Variants in PANX3 observed in about 807,000 individuals in gnomAD.
PANX3 encodes the protein pannexin 3.
In PANX3, 18 loss-of-function variants were observed where a neutral mutation model predicts 31.5. The ratio of observed to expected loss-of-function variants is 0.57; its 90% CI spans 0.39 to 0.85. PANX3 has a LOEUF of 0.85. Ranked by LOEUF, PANX3 falls within the 40% of genes least tolerant of loss-of-function variation. The pLI is 0.00. For missense variants in PANX3, 426 were observed against 485.4 expected, an observed-to-expected ratio of 0.88 and a Z score of 1.15; for synonymous variants, 194 against 201.6, an observed-to-expected ratio of 0.96 and a Z score of 0.32.
chr11:124,615,225 G>T (rs897867945), intron 2 of PANX3, among the ~76,000 whole-genome samples: 2 of 152,050 alleles, frequency 1.3e-5, no homozygotes, highest in African/African-American at 4.8e-5. Flanking sequence ...TGAGACTACA[G>T]GCACCCGCCA....
chr11:124,612,765 G>A (rs1222327337), intron 1 of PANX3, among the ~76,000 whole-genome samples: 1 of 152,230 alleles, frequency 6.6e-6, no homozygotes, highest in Non-Finnish European at 1.5e-5. Flanking sequence ...CCAAAAGGCT[G>A]AGTCAGCACT....
In PANX3 at chr11:124,619,462, T is replaced by G; in HGVS notation, c.706T>G (p.Phe236Val). 1 of 1,614,214 alleles carries G rather than the reference T, an allele frequency of 6.2e-7. No individual in the cohort carries two copies. The highest frequency in any genetic ancestry group is 8.5e-7 in the Non-Finnish European group (1 of 1,180,038). ...TGGTCATTTCCATCTGGATGTCTTC[T>G]TCCAGGAAGAATTCAGCTGCTCCAT... The part of the protein sequence containing the change: ...YLGHFHLDVF[F>V]QEEFSCSIKT... The change falls in exon 4 of 4, where the codon TTC becomes GTC. Residue 236 changes from phenylalanine (F) to valine (V), a missense_variant. Coordinates refer to ENST00000284288, the MANE Select transcript of PANX3 (RefSeq NM_052959.3).
chr11:124,617,632 T>A (rs1001462648), intron 3 of PANX3, 144 bp downstream of exon 3: 2 of 780,674 alleles, frequency 2.6e-6, no homozygotes, highest in African/African-American at 3.4e-5. Context: ...AACTTTCTAT[T>A]GTTTCTGTAA....
Position 124,611,600 on chromosome 11 carries a change from C to G in PANX3, c.44C>G (p.Ala15Gly). The G allele has an allele frequency of 6.2e-7, 1 of 1,614,104 alleles. No homozygotes were observed. Among genetic ancestry groups the G allele is most frequent in the Non-Finnish European group, 8.5e-7 (1 of 1,179,962 alleles). Residue 15 changes from alanine (A) to glycine (G), a missense_variant, in exon 1 of 4, where the codon GCC (alanine) becomes GGC (glycine). Coordinates refer to ENST00000284288, the MANE Select transcript of PANX3 (RefSeq NM_052959.3). ...GCTGCAGAGTACATGCTCTCAGATG[C>G]CCTGCTGCCTGACCGCAGGGGACCC... is the stretch of plus-strand genomic sequence containing the variant. ...HTAAEYMLSD[A>G]LLPDRRGPRL...
chr11:124,618,181 G>A (rs945633174), intron 3 of PANX3, among the ~76,000 whole-genome samples: 1 of 152,178 alleles, frequency 6.6e-6, no homozygotes, highest in Admixed American at 6.5e-5. Context: ...GATGGAGAGT[G>A]GTGTAGCTTC....
At position 124,617,292 on chromosome 11, in the gene PANX3, C is replaced by T. The variant is rs761766737; in HGVS notation, c.343C>T (p.Leu115=). 1.9e-6 allele frequency: 3 copies of T among 1,606,960 alleles called. No individual in the cohort carries two copies. The highest frequency in any genetic ancestry group is 1.8e-4 in the Middle Eastern group (1 of 5,582). ...WPHKALPYSL[L]ALALLMYLPV... ...CCTGCAGGCCCTCCCCTACTCCCTG[C>T]TGGCCCTGGCCTTGCTCATGTACCT... The change falls in exon 3 of 4, where the codon CTG becomes TTG. Residue 115 remains leucine, a synonymous_variant. Coordinates refer to ENST00000284288, the MANE Select transcript of PANX3 (RefSeq NM_052959.3).
At position 124,613,228 on chromosome 11, in the gene PANX3, T is replaced by A. The variant is rs895339926; in HGVS notation, c.324+106T>A. ...CTATCCCCACCACCCCTAACCCATT[T>A]ATTTTGGTCACTTACTTTCATGTTT... On this transcript the variant is annotated intron_variant, in intron 2 of 3. Coordinates refer to ENST00000284288, the MANE Select transcript of PANX3 (RefSeq NM_052959.3). 29 of 1,332,890 alleles carry A rather than the reference T, an allele frequency of 2.2e-5. No individual in the cohort carries two copies. In the African/African-American group the frequency reaches 4.1e-4, roughly 19 times the overall value. 82.6% of individuals were successfully genotyped at this position (1,332,890 alleles called of 1,614,324 possible).
Position 124,611,847 on chromosome 11 carries a change from G to T in PANX3, c.181+110G>T. Reference sequence around the variant, plus strand: ...ACAGTGACGGGATTCCATGGCTTCGGGCTGGGCTGGATTATCCAAAAGGCA... The same window carrying T: ...ACAGTGACGGGATTCCATGGCTTCGTGCTGGGCTGGATTATCCAAAAGGCA... On this transcript the variant is annotated intron_variant, in intron 1 of 3. Coordinates refer to ENST00000284288, the MANE Select transcript of PANX3 (RefSeq NM_052959.3). The T allele has an allele frequency of 2.4e-6, 3 of 1,238,298 alleles. 1 individual carries two copies. In the South Asian group the frequency reaches 5.2e-5, roughly 22 times the overall value. 76.7% of individuals were successfully genotyped at this position (1,238,298 alleles called of 1,614,324 possible). A position where few individuals can be genotyped will look rare whatever the true frequency, so the allele number is the denominator to read the frequency against.
intron 3 of PANX3, among the ~76,000 whole-genome samples, 156 bp from the exon 4 acceptor site, chr11:124,619,140 T>C (rs1051146630): frequency 6.6e-6 from 1 of 152,084 alleles, no homozygotes; most frequent in Non-Finnish European, 1.5e-5. Context: ...ATGCCTCAGT[T>C]TGGGGGAGAA....
At chr11:124,618,657 G>A (rs563078488) in intron 3 of PANX3, among the ~76,000 whole-genome samples, 1 of 152,152 alleles carries the variant, frequency 6.6e-6, no homozygotes, top group Admixed American at 6.5e-5. Flanking sequence ...GAGTGGGGGG[G>A]TGGGGGAGAC....
At position 124,616,218 on chromosome 11, in the gene PANX3, G is replaced by A. The variant is rs112906803; in HGVS notation, c.325-1056G>A. Among the ~76,000 whole-genome samples, 411 of 152,228 alleles carry A rather than the reference G, an allele frequency of 2.7e-3. 2 individuals carry two copies. The highest frequency in any genetic ancestry group is 4.0e-3 in the Non-Finnish European group (274 of 67,996). ...TCAAAATTATCGTCTCAGGGTTCTGGAGACCGGAAGTCTAAGATCAAGGTG... is the reference window on the plus strand; with the variant it reads ...TCAAAATTATCGTCTCAGGGTTCTGAAGACCGGAAGTCTAAGATCAAGGTG... On this transcript the variant is annotated intron_variant, in intron 2 of 3. Coordinates refer to ENST00000284288, the MANE Select transcript of PANX3 (RefSeq NM_052959.3). The surrounding 1 kb of genome is among the most constrained non-coding windows in gnomAD (Gnocchi z 4.8).
At position 124,611,653 on chromosome 11, in the gene PANX3, C is replaced by T. The variant is rs770332542; in HGVS notation, c.97C>T (p.Pro33Ser). The T allele has an allele frequency of 1.2e-6, 2 of 1,614,184 alleles. No homozygotes were observed. The highest frequency in any genetic ancestry group is 1.7e-6 in the Non-Finnish European group (2 of 1,180,024). The change falls in exon 1 of 4, where the codon CCC becomes TCC. Residue 33 changes from proline (P) to serine (S), a missense_variant. Pro to Ser is a moderately conservative substitution (Grantham distance 74, BLOSUM62 -1). Coordinates refer to ENST00000284288, the MANE Select transcript of PANX3 (RefSeq NM_052959.3). ...PRLKGLRLEL[P>S]LDRIVKFVAV... ...CCTCAAAGGACTGCGTCTGGAACTGCCCCTGGACCGGATAGTCAAGTTCGT... is the reference window on the plus strand; with the variant it reads ...CCTCAAAGGACTGCGTCTGGAACTGTCCCTGGACCGGATAGTCAAGTTCGT...
chr11:124,613,477 G>C (rs183422775), intron 2 of PANX3, among the ~76,000 whole-genome samples: 56 of 152,230 alleles, frequency 3.7e-4, no homozygotes, highest in Non-Finnish European at 7.4e-4. Context: ...GAGGGGCGGG[G>C]TGCAGTTGGA....
At chr11:124,619,226 C>A in intron 3 of PANX3, 70 bp from the exon 4 acceptor site, 1 of 1,454,208 alleles carries the variant, frequency 6.9e-7, no homozygotes, top group South Asian at 1.3e-5. Flanking sequence ...GTTACTTTGT[C>A]ACATGCCTCT....
rs368332550 is a variant in PANX3, at chr11:124,619,777, A to T, written c.1021A>T (p.Ile341Phe). 30 of 1,614,078 alleles carry T rather than the reference A, an allele frequency of 1.9e-5. No homozygotes were observed. The highest frequency in any genetic ancestry group is 2.5e-5 in the Non-Finnish European group (29 of 1,180,040). Residue 341 changes from isoleucine to phenylalanine, a missense_variant, in exon 4 of 4, where the codon ATC becomes TTC. By Grantham distance (21) the Ile-to-Phe change is conservative (BLOSUM62 0). Coordinates refer to ENST00000284288, the MANE Select transcript of PANX3 (RefSeq NM_052959.3). ...LFLRANISEL[I>F]SFSWLSVLCV... ...CCTCCGAGCTAACATCTCTGAGCTC[A>T]TCTCTTTTAGCTGGCTGAGTGTCTT... is the stretch of plus-strand genomic sequence containing the variant.
chr11:124,612,719 C>T (rs73031433), intron 1 of PANX3, among the ~76,000 whole-genome samples: 20,439 of 152,176 alleles, frequency 0.13, 1,742 homozygotes, highest in Middle Eastern at 0.2. Context: ...GCACAAAAAG[C>T]CCAGGGGGTG....
At position 124,616,849 on chromosome 11, in the gene PANX3, C is replaced by T. The variant is rs895541495; in HGVS notation, c.325-425C>T. On this transcript the variant is annotated intron_variant, in intron 2 of 3. Coordinates refer to ENST00000284288, the MANE Select transcript of PANX3 (RefSeq NM_052959.3). This position sits in a 1 kb window ranked among gnomAD's most constrained non-coding sequence, Gnocchi z 4.8. ...ATCCCTAGCTAGCTAGCTGCCCAGA[C>T]TACTTTGAGGGAGGTAGGCAGATGG... 6.6e-6 allele frequency among the ~76,000 whole-genome samples: 1 copy of T among 152,142 alleles called. No homozygotes were observed. Among genetic ancestry groups the T allele is most frequent in the African/African-American group, 2.4e-5 (1 of 41,432 alleles).
chr11:124,619,269 C>T, intron 3 of PANX3, 27 bp from the exon 4 acceptor site: 1 of 1,596,538 alleles, frequency 6.3e-7, no homozygotes, highest in African/African-American at 1.3e-5. Context: ...TCACTACTAA[C>T]CTTGCCTCCT....
rs766434544 is a variant in PANX3, at chr11:124,619,625, A to G, written c.869A>G (p.Asn290Ser). 9 of 1,613,430 alleles carry G rather than the reference A, an allele frequency of 5.6e-6. No homozygotes were observed. In the African/African-American group the frequency reaches 1.1e-4, roughly 19 times the overall value. Residue 290 changes from asparagine to serine, a missense_variant, in exon 4 of 4, where the codon AAC becomes AGC. By Grantham distance (46) the Asn-to-Ser change is conservative. Coordinates refer to ENST00000284288, the MANE Select transcript of PANX3 (RefSeq NM_052959.3). ...YTILVPVIIY[N>S]LTRLCRWDKR... Reference sequence around the variant, plus strand: ...ATATTGGTTCCAGTGATAATATACAACCTCACACGGCTATGTCGGTGGGAC... The same window carrying G: ...ATATTGGTTCCAGTGATAATATACAGCCTCACACGGCTATGTCGGTGGGAC...
Sources: gnomAD v4.1 joint callset for allele counts (sites outside exome capture counted in the v4.1 genomes callset) on GRCh38, gnomAD v4.1.1 for gene constraint, Gnocchi (gnomAD v3.1) non-coding constraint, MANE v1.5 for transcripts, NCBI Gene and HGNC (gene_info 2026-07-23, HGNC 2026-07-21) for gene names.